PTPRM: variants seen among roughly 807,000 people sequenced by gnomAD.
PTPRM encodes protein tyrosine phosphatase receptor type M.
PTPRM carries 47 observed loss-of-function variants against 186.7 expected under a neutral mutation model. That is an observed-to-expected ratio of 0.25 (90% confidence interval 0.20 to 0.32). PTPRM has a LOEUF of 0.32. PTPRM is among the 10% of genes least tolerant of loss of function. The pLI is 1.00. For missense variants in PTPRM, 1,494 were observed against 1,865.0 expected (o/e 0.80, Z 3.66); for synonymous variants, 668 against 674.9 (o/e 0.99, Z 0.16).
At chr18:7,714,568 A>G (rs532454924) in intron 1 of PTPRM, among the ~76,000 whole-genome samples, 5 of 152,290 alleles carry the variant, frequency 3.3e-5, no homozygotes, top group Middle Eastern at 3.4e-3. Context: ...AAAAAAATAA[A>G]TGAATCCAGG....
intron 19 of PTPRM, among the ~76,000 whole-genome samples, chr18:8,294,231 C>G (rs9807538): frequency 0.082 from 12,474 of 152,140 alleles, 571 homozygotes; most frequent in South Asian, 0.12. Context: ...TAGCCTGGGT[C>G]ACAGGGTGAG....
At chr18:7,699,685 C>T (rs1320038248) in intron 1 of PTPRM, among the ~76,000 whole-genome samples, 1 of 151,692 alleles carries the variant, frequency 6.6e-6, no homozygotes, top group Admixed American at 6.6e-5. Context: ...AGCCACTGCA[C>T]CTGGCCAAAA....
chr18:7,575,807 G>A (rs1306455634), intron 1 of PTPRM, among the ~76,000 whole-genome samples: 1 of 152,166 alleles, frequency 6.6e-6, no homozygotes, highest in African/African-American at 2.4e-5. Flanking sequence ...GTTTAGGTAT[G>A]TAATTCAAGA....
intron 2 of PTPRM, among the ~76,000 whole-genome samples, chr18:7,845,922 A>G (rs192680298): frequency 7.9e-5 from 12 of 152,098 alleles, no homozygotes; most frequent in Admixed American, 2.0e-4. Flanking sequence ...CCTCTGCCCA[A>G]TCCTGTAATA....
chr18:8,013,230 C>G (rs948532041), intron 7 of PTPRM, among the ~76,000 whole-genome samples: 4 of 152,058 alleles, frequency 2.6e-5, no homozygotes, highest in African/African-American at 9.7e-5. Context: ...CAAATTGGTT[C>G]AGAAAATATT....
At chr18:8,237,960 A>G (rs72911266) in intron 14 of PTPRM, among the ~76,000 whole-genome samples, 6,542 of 151,810 alleles carry the variant, frequency 0.043, 193 homozygotes, top group Non-Finnish European at 0.071. Context: ...CCCCCCTTGG[A>G]TTTTTTTTAA....
chr18:8,027,576 A>G (rs754399480), intron 7 of PTPRM, among the ~76,000 whole-genome samples: 3 of 152,212 alleles, frequency 2.0e-5, no homozygotes, highest in Non-Finnish European at 4.4e-5. Context: ...ACATATGTGT[A>G]TAAAAGTACT....
At chr18:7,878,937 C>T (rs533366977) in intron 2 of PTPRM, among the ~76,000 whole-genome samples, 2 of 152,144 alleles carry the variant, frequency 1.3e-5, no homozygotes, top group South Asian at 4.1e-4. Context: ...AATAGTCAAC[C>T]TGTCACTACT....
chr18:7,808,111 A>G (rs571797370), intron 2 of PTPRM, among the ~76,000 whole-genome samples: 6 of 152,340 alleles, frequency 3.9e-5, no homozygotes, highest in Admixed American at 2.6e-4. Context: ...GGATTGTATT[A>G]TAGGCAGTCT....
chr18:7,865,367 C>T (rs565296970), intron 2 of PTPRM, among the ~76,000 whole-genome samples: 5 of 152,174 alleles, frequency 3.3e-5, no homozygotes, highest in South Asian at 2.1e-4. Flanking sequence ...CCCATTGATA[C>T]CTAGTTTATT....
Position 7,568,001 on chromosome 18 carries a change from C to CG in PTPRM, c.73+116dup. 1.9e-6 allele frequency: 2 copies of CG among 1,065,460 alleles called. No homozygotes were observed. The highest frequency in any genetic ancestry group is 1.2e-6 in the Non-Finnish European group (1 of 816,650). The allele number at this position is 1,065,460 out of a possible 1,614,324, so 66.0% of individuals were successfully genotyped here. A position where few individuals can be genotyped will look rare whatever the true frequency, so the allele number is the denominator to read the frequency against. On this transcript the variant is annotated intron_variant, in intron 1 of 32. Transcript: ENST00000580170. The surrounding 1 kb of genome is among the most constrained non-coding windows in gnomAD (Gnocchi z 5.1). ...CCCTAAGGCTGGCGTCGGGGCCGGG[C>CG]GGGGGGCGCGGCGGGCCGGACACCG...
At chr18:8,229,399 G>C (rs1369917500) in intron 14 of PTPRM, among the ~76,000 whole-genome samples, 2 of 152,112 alleles carry the variant, frequency 1.3e-5, no homozygotes, top group South Asian at 2.1e-4. Context: ...GTTTCCTTTT[G>C]ATCCATTGAA....
Position 7,804,381 on chromosome 18 carries a change from A to T in PTPRM, c.196+30110A>T, listed in dbSNP as rs146292160. 7.0e-4 allele frequency among the ~76,000 whole-genome samples: 106 copies of T among 152,288 alleles called. 1 individual carries two copies. Among genetic ancestry groups the T allele is most frequent in the African/African-American group, 2.5e-3 (104 of 41,570 alleles). On this transcript the variant is annotated intron_variant, in intron 2 of 32. Transcript: ENST00000580170. ...TGTGATCTTGGGCAGGCCGGAGTTA[A>T]TAGTTGACTACCCTGCTATTCAGGC...
rs113099035 is a variant in PTPRM, at chr18:7,888,117, C to A, written c.208C>A (p.Leu70Met). 8.2e-5 allele frequency: 133 copies of A among 1,614,132 alleles called. No individual in the cohort carries two copies. In the African/African-American group the frequency reaches 1.4e-3, roughly 17 times the overall value. Residue 70 changes from leucine to methionine, a missense_variant, in exon 3 of 33, where the codon CTG (leucine) becomes ATG (methionine). Around this residue, in one of 3 missense-constraint regions of PTPRM, gnomAD observed 296 missense variants for 345.5 expected, o/e 0.86. Transcript: ENST00000580170. ...TTTTGTTTTTGCAGGTTCTTTCATG[C>A]TGGTGAATGCCTCTGGGAGACCTGA... ...DPWMPSGSFM[L>M]VNASGRPEGQ...
chr18:8,050,896 T>G (rs1323543589), intron 7 of PTPRM, among the ~76,000 whole-genome samples: 1 of 152,066 alleles, frequency 6.6e-6, no homozygotes, highest in African/African-American at 2.4e-5. Flanking sequence ...GCACTAAGTT[T>G]CCAAGAATGA....
intron 2 of PTPRM, among the ~76,000 whole-genome samples, chr18:7,825,086 C>T (rs1036520131): frequency 6.6e-6 from 1 of 152,146 alleles, no homozygotes; most frequent in Non-Finnish European, 1.5e-5. Context: ...GCTACTGGGA[C>T]CAGCATTTCT....
At position 8,248,136 on chromosome 18, in the gene PTPRM, A is replaced by G; in HGVS notation, c.2528-14A>G. ...TTACTTTCTCTGCATTGACCTGCTTACGGTGTATGACAGACCCATTTGTGC... is the reference window on the plus strand; with the variant it reads ...TTACTTTCTCTGCATTGACCTGCTTGCGGTGTATGACAGACCCATTTGTGC... On this transcript the variant is annotated splice_polypyrimidine_tract_variant and intron_variant, in intron 16 of 32. Coordinates refer to ENST00000580170, the MANE Select transcript of PTPRM (RefSeq NM_001105244.2). 4 of 1,528,762 alleles carry G rather than the reference A, an allele frequency of 2.6e-6. No homozygotes were observed. Among genetic ancestry groups the G allele is most frequent in the Non-Finnish European group, 2.7e-6 (3 of 1,102,418 alleles). The allele number at this position is 1,528,762 out of a possible 1,614,324, so 94.7% of individuals were successfully genotyped here. A position where few individuals can be genotyped will look rare whatever the true frequency, so the allele number is the denominator to read the frequency against.
chr18:7,591,499 A>G (rs1372235207), intron 1 of PTPRM, among the ~76,000 whole-genome samples: 2 of 152,204 alleles, frequency 1.3e-5, no homozygotes, highest in Admixed American at 6.5e-5. Context: ...CTACAAGTTC[A>G]GAAGTATTCT....
intron 7 of PTPRM, among the ~76,000 whole-genome samples, chr18:7,960,619 A>C (rs1651973975): frequency 6.6e-6 from 1 of 151,962 alleles, no homozygotes; most frequent in African/African-American, 2.4e-5. Context: ...TTAGCTGGGC[A>C]CCGTGGCATA....
Sources: allele counts gnomAD v4.1 joint callset (sites outside exome capture counted in the v4.1 genomes callset), GRCh38; gene constraint gnomAD v4.1.1; regional missense constraint gnomAD v4.1.1; non-coding constraint Gnocchi (gnomAD v3.1); transcripts MANE v1.5; gene names NCBI Gene and HGNC (gene_info 2026-07-23, HGNC 2026-07-21).